Variants in RTN4 observed in about 807,000 individuals in gnomAD.
RTN4 encodes reticulon 4.
In RTN4, 32 loss-of-function variants were observed where a neutral mutation model predicts 90.4. That is an observed-to-expected ratio of 0.35 (90% CI 0.27 to 0.48). The LOEUF (loss-of-function observed/expected upper bound fraction) is 0.48, where lower values mean the gene tolerates loss of function less well. RTN4 is among the 20% of genes least tolerant of loss of function. The pLI is 0.99. For synonymous variants in RTN4, 629 were observed against 552.5 expected (o/e 1.14, Z -1.94); for missense variants, 1,706 against 1,430.2 (o/e 1.19, Z -3.11).
rs911736874 is a variant in RTN4, at chr2:55,070,073, A to G, written c.-63+10416T>C. 4.6e-5 allele frequency among the ~76,000 whole-genome samples: 7 copies of G among 152,212 alleles called. No homozygotes were observed. In the East Asian group the frequency reaches 1.2e-3, roughly 25 times the overall value. ...GCAAACTGATAACATGCCAAGCACC[A>G]TTAACCAAGGCAAAGAGACAGTCTA... On this transcript the variant is annotated intron_variant, in intron 2 of 3. Coordinates refer to the RTN4 transcript ENST00000427710.
At chr2:55,132,731 C>G in the RTN4 span, among the ~76,000 whole-genome samples, 2 of 145,998 alleles carry the variant, frequency 1.4e-5, no homozygotes, top group Non-Finnish European at 3.0e-5. Flanking sequence ...GGAGAATCAC[C>G]TGAGCATGGG....
Position 55,025,746 on chromosome 2 carries a change from T to C in RTN4, c.2353A>G (p.Lys785Glu), listed in dbSNP as rs769602113. The change falls in exon 3 of 9, where the codon AAG becomes GAG. Residue 785 changes from lysine to glutamate, a missense_variant. Coordinates refer to ENST00000337526, the MANE Select transcript of RTN4 (RefSeq NM_020532.5). Reference protein sequence around the residue: ...SFESMIEYENKEKLSALPPEG... With the variant: ...SFESMIEYENEEKLSALPPEG... Reference sequence around the variant, plus strand: ...GGTGGCAAAGCACTGAGTTTTTCCTTATTTTCATATTCTATCATTGACTCA... The same window carrying C: ...GGTGGCAAAGCACTGAGTTTTTCCTCATTTTCATATTCTATCATTGACTCA... 2 of 1,613,558 alleles carry C rather than the reference T, an allele frequency of 1.2e-6. No individual in the cohort carries two copies. Among genetic ancestry groups the C allele is most frequent in the East Asian group, 2.2e-5 (1 of 44,866 alleles).
At chr2:54,991,685 A>G (rs1354913982) in intron 3 of RTN4, among the ~76,000 whole-genome samples, 4 of 152,252 alleles carry the variant, frequency 2.6e-5, no homozygotes, top group South Asian at 2.1e-4. Flanking sequence ...TCTGTGCTCA[A>G]TATAATTTTA....
At chr2:55,119,317 G>A in the RTN4 span, among the ~76,000 whole-genome samples, 261 of 152,254 alleles carry the variant, frequency 1.7e-3, no homozygotes, top group Non-Finnish European at 3.1e-3. Flanking sequence ...ATGCCTCTAC[G>A]TATAATGGTA....
chr2:55,093,143 G>A (rs909684439), intron 1 of RTN4, among the ~76,000 whole-genome samples: 1 of 152,052 alleles, frequency 6.6e-6, no homozygotes, highest in African/African-American at 2.4e-5. Flanking sequence ...ACATTCGTGG[G>A]CCAGCCAATT....
intron 2 of RTN4, among the ~76,000 whole-genome samples, chr2:55,067,756 C>T (rs1263550941): frequency 6.6e-6 from 1 of 152,136 alleles, no homozygotes; most frequent in East Asian, 1.9e-4. Flanking sequence ...AATTCTCAGA[C>T]TTTTCATCTC....
chr2:54,982,725 A>G (rs574239203), intron 4 of RTN4, 72 bp from the exon 5 acceptor site: 11 of 1,463,196 alleles, frequency 7.5e-6, no homozygotes, highest in African/African-American at 2.9e-5. Flanking sequence ...CAGAAATTAT[A>G]TATCTGTAAG....
At chr2:55,090,313 A>G (rs1026773609) in intron 1 of RTN4, among the ~76,000 whole-genome samples, 1 of 152,220 alleles carries the variant, frequency 6.6e-6, no homozygotes, top group African/African-American at 2.4e-5. Context: ...CACTTAATAT[A>G]ATTTGGGTTA....
chr2:55,086,070 A>C (rs1215800557), intron 1 of RTN4, among the ~76,000 whole-genome samples: 1 of 152,230 alleles, frequency 6.6e-6, no homozygotes, highest in African/African-American at 2.4e-5. Flanking sequence ...TTTCTTCATC[A>C]CATGGACACT....
intron 3 of RTN4, among the ~76,000 whole-genome samples, chr2:55,005,029 A>C (rs1276928428): frequency 6.6e-6 from 1 of 152,106 alleles, no homozygotes; most frequent in East Asian, 1.9e-4. Context: ...AACACAAGCA[A>C]AGGCAAAGAA....
intron 3 of RTN4, among the ~76,000 whole-genome samples, chr2:54,994,695 T>C (rs962319120): frequency 6.6e-6 from 1 of 152,166 alleles, no homozygotes; most frequent in Admixed American, 6.5e-5. Context: ...CTTCTGGTCC[T>C]GGGGGTGCTA....
chr2:54,978,349 G>C (rs1261647884), intron 5 of RTN4, among the ~76,000 whole-genome samples: 2 of 145,820 alleles, frequency 1.4e-5, no homozygotes, highest in Non-Finnish European at 3.0e-5. Context: ...AGAATCACTT[G>C]AACCTGGAAG....
rs1681754736 is a variant in RTN4, at chr2:55,025,371, A to G, written c.2728T>C (p.Leu910=). ...TCATGGGGCAATTCTGTGCAAGGCA[A>G]TGACCCAGCTCCATCCGGGGCATTA... The part of the protein sequence containing the change: ...IANAPDGAGS[L]PCTELPHDLS... Residue 910 remains leucine (L), a synonymous_variant, in exon 3 of 9, where the codon TTG becomes CTG. Transcript: ENST00000337526. The G allele has an allele frequency of 6.2e-7, 1 of 1,613,982 alleles. No individual in the cohort carries two copies. Among genetic ancestry groups the G allele is most frequent in the Non-Finnish European group, 8.5e-7 (1 of 1,179,902 alleles).
At chr2:55,102,180 G>A (rs917535730) in intron 1 of RTN4, among the ~76,000 whole-genome samples, 8 of 152,054 alleles carry the variant, frequency 5.3e-5, no homozygotes, top group Non-Finnish European at 1.2e-4. Context: ...CAGTTCTTTG[G>A]AGCAGATGAC....
At chr2:55,076,201 C>T (rs1668595694) in intron 2 of RTN4, among the ~76,000 whole-genome samples, 1 of 151,938 alleles carries the variant, frequency 6.6e-6, no homozygotes, top group African/African-American at 2.4e-5. Flanking sequence ...ATGACTAATA[C>T]CCAGAATCTA....
At chr2:55,064,621 G>C (rs1668359349) in intron 2 of RTN4, among the ~76,000 whole-genome samples, 1 of 152,130 alleles carries the variant, frequency 6.6e-6, no homozygotes, top group Non-Finnish European at 1.5e-5. Flanking sequence ...AAAGTGCTGG[G>C]ATTACAGGTG....
chr2:55,115,016 C>A (rs1029587656), upstream of RTN4, among the ~76,000 whole-genome samples: 31 of 152,190 alleles, frequency 2.0e-4, no homozygotes, highest in Admixed American at 1.1e-3. Flanking sequence ...GAAGCCACAG[C>A]TAGGAGAGAA....
chr2:55,011,176 T>C (rs903849191), intron 3 of RTN4, among the ~76,000 whole-genome samples: 1 of 152,086 alleles, frequency 6.6e-6, no homozygotes, highest in Non-Finnish European at 1.5e-5. Flanking sequence ...TGTGCCACCA[T>C]GCCCAGTTAA....
At chr2:55,112,554 C>T (rs1237422704) in exon 1 of RTN4, 1 of 152,308 alleles carries the variant, frequency 6.6e-6, no homozygotes, top group Admixed American at 6.5e-5. Flanking sequence ...TCTCCCCAGA[C>T]ACAGCCCCTC....
Sources: gnomAD v4.1 joint callset for allele counts (sites outside exome capture counted in the v4.1 genomes callset) on GRCh38, gnomAD v4.1.1 for gene constraint, MANE v1.5 for transcripts, NCBI Gene and HGNC (gene_info 2026-07-23, HGNC 2026-07-21) for gene names.